ABHD17B: variants seen among roughly 807,000 people sequenced by gnomAD.
The protein encoded by ABHD17B is alpha/beta hydrolase domain-containing protein 17B.
In ABHD17B, 9 loss-of-function variants were observed where a neutral mutation model predicts 26.2. The observed-to-expected ratio is 0.34, with a 90% confidence interval of 0.21 to 0.60. The LOEUF is 0.60. Among genes scored for constraint, ABHD17B ranks in the 20% least tolerant of loss-of-function variants. The probability of loss-of-function intolerance (pLI) is 0.80; values close to 1 mark genes in which losing one functional copy is unlikely to be tolerated. For synonymous variants in ABHD17B, 127 were observed against 122.3 expected (o/e 1.04, Z -0.25); for missense variants, 224 against 352.1 (o/e 0.64, Z 2.91).
At chr9:71,863,626 GCT>G (rs1327441264), downstream of ABHD17B, among the ~76,000 whole-genome samples, 2 of 152,180 alleles carry the variant, frequency 1.3e-5, no homozygotes, top group African/African-American at 2.4e-5. Flanking sequence ...TTCAGCTTCT[GCT>G]CTGTCTCTAG....
At chr9:71,878,921 C>T (rs1177119305) in intron 1 of ABHD17B, among the ~76,000 whole-genome samples, 2 of 152,238 alleles carry the variant, frequency 1.3e-5, no homozygotes, top group African/African-American at 2.4e-5. Flanking sequence ...TTTGGGAGGC[C>T]GAGGTAGGAG....
At chr9:71,885,925 A>G (rs571382295) in intron 1 of ABHD17B, among the ~76,000 whole-genome samples, 4 of 152,338 alleles carry the variant, frequency 2.6e-5, no homozygotes, top group African/African-American at 9.6e-5. Context: ...ACTAGCATTA[A>G]AAGTCTTTAA....
chr9:71,881,980 T>C (rs1826458131), intron 1 of ABHD17B, among the ~76,000 whole-genome samples: 2 of 149,332 alleles, frequency 1.3e-5, no homozygotes, highest in South Asian at 2.1e-4. Flanking sequence ...CTCCAAAAGA[T>C]ATACAAATGG....
intron 1 of ABHD17B, among the ~76,000 whole-genome samples, chr9:71,898,469 T>TAAA (rs1302487869): frequency 1.2e-3 from 124 of 104,998 alleles, no homozygotes; most frequent in African/African-American, 4.1e-3. Context: ...CCATCTCTAC[T>TAAA]AAAAAAAAAA....
chr9:71,908,392 CAAAAA>C (rs371201006), intron 1 of ABHD17B, among the ~76,000 whole-genome samples: 1 of 39,802 alleles, frequency 2.5e-5, no homozygotes, highest in Non-Finnish European at 5.4e-5. Flanking sequence ...AACTCCGTCT[CAAAAA>C]AAAAAAAAAA....
intron 2 of ABHD17B, 141 bp downstream of exon 2, chr9:71,874,473 T>C (rs935637148): frequency 1.0e-5 from 6 of 595,318 alleles, no homozygotes; most frequent in Non-Finnish European, 8.0e-6. Flanking sequence ...GTCTAAAATA[T>C]TTATTCACAG....
intron 2 of ABHD17B, 109 bp downstream of exon 2, chr9:71,874,505 C>T: frequency 1.3e-6 from 1 of 773,004 alleles, no homozygotes; most frequent in Non-Finnish European, 2.0e-6. Context: ...TAAATATAAC[C>T]TCTATATAGC....
chr9:71,906,385 T>C (rs1402202742), intron 1 of ABHD17B, among the ~76,000 whole-genome samples: 1 of 152,246 alleles, frequency 6.6e-6, no homozygotes. Context: ...CTAACATACC[T>C]GTTTTAATCT....
chr9:71,907,242 A>G (rs1338583082), intron 1 of ABHD17B, among the ~76,000 whole-genome samples: 1 of 152,230 alleles, frequency 6.6e-6, no homozygotes, highest in Non-Finnish European at 1.5e-5. Flanking sequence ...AAAAGTAAAT[A>G]AACTAGAGCT....
intron 1 of ABHD17B, among the ~76,000 whole-genome samples, chr9:71,889,401 C>A (rs1199123076): frequency 6.6e-6 from 1 of 152,002 alleles, no homozygotes; most frequent in African/African-American, 2.4e-5. Context: ...GGTTAAAAGT[C>A]CACTTCAAAA....
At chr9:71,883,534 A>C (rs528126498) in intron 1 of ABHD17B, among the ~76,000 whole-genome samples, 1 of 152,364 alleles carries the variant, frequency 6.6e-6, no homozygotes, top group South Asian at 2.1e-4. Flanking sequence ...TACAGAAAGC[A>C]AATTCCAGGC....
chr9:71,882,420 A>G lies in ABHD17B; in HGVS notation c.-3-7337T>C, dbSNP rs376059180. Reference sequence around the variant, plus strand: ...ACGCCTGTAATCCCAGTACTTTGGGAGGCCAAGGCGGGAGAATCCCCTGAG... The same window carrying G: ...ACGCCTGTAATCCCAGTACTTTGGGGGGCCAAGGCGGGAGAATCCCCTGAG... On this transcript the variant is annotated intron_variant, in intron 1 of 3. Coordinates refer to ENST00000333421, the MANE Select transcript of ABHD17B (RefSeq NM_001025780.3). Among the ~76,000 whole-genome samples the G allele has an allele frequency of 2.4e-4, 36 of 152,338 alleles. 1 individual carries two copies. The East Asian group carries it at 4.0e-3, about 17-fold the overall frequency.
intron 1 of ABHD17B, among the ~76,000 whole-genome samples, chr9:71,887,969 G>T (rs140398353): frequency 6.6e-6 from 1 of 152,298 alleles, no homozygotes; most frequent in African/African-American, 2.4e-5. Flanking sequence ...ACGGTTTGAT[G>T]AATCAAAAGG....
At chr9:71,907,806 A>T (rs1589235578) in intron 1 of ABHD17B, among the ~76,000 whole-genome samples, 1 of 152,086 alleles carries the variant, frequency 6.6e-6, no homozygotes, top group African/African-American at 2.4e-5. Flanking sequence ...TGAGCCACCG[A>T]GCCTGGCCGG....
At chr9:71,882,011 T>A (rs1826459419) in intron 1 of ABHD17B, among the ~76,000 whole-genome samples, 1 of 151,144 alleles carries the variant, frequency 6.6e-6, no homozygotes, top group East Asian at 1.9e-4. Flanking sequence ...TGTGAAAAGA[T>A]GCTTAACACC....
chr9:71,867,082 C>A lies in ABHD17B; in HGVS notation c.648-76G>T. 2.0e-6 allele frequency: 3 copies of A among 1,471,612 alleles called. No homozygotes were observed. The East Asian group carries it at 7.1e-5, about 35-fold the overall frequency. 91.2% of individuals were successfully genotyped at this position (1,471,612 alleles called of 1,614,324 possible). On this transcript the variant is annotated intron_variant, in intron 3 of 3. Coordinates refer to ENST00000333421, the MANE Select transcript of ABHD17B (RefSeq NM_001025780.3). Reference sequence around the variant, plus strand: ...GAACATATTCTTGTGCTATATCAGACAGATAATTCAAATATGAGAATTGTA... The same window carrying A: ...GAACATATTCTTGTGCTATATCAGAAAGATAATTCAAATATGAGAATTGTA...
At chr9:71,880,130 T>C (rs1372316584) in intron 1 of ABHD17B, among the ~76,000 whole-genome samples, 1 of 152,052 alleles carries the variant, frequency 6.6e-6, no homozygotes, top group African/African-American at 2.4e-5. Context: ...AAGGACAAAA[T>C]TGGCACAAAG....
At chr9:71,875,401 T>G (rs1364952778) in intron 1 of ABHD17B, among the ~76,000 whole-genome samples, 1 of 152,104 alleles carries the variant, frequency 6.6e-6, no homozygotes, top group African/African-American at 2.4e-5. Context: ...AATTTTGTAT[T>G]TTTAGTAGAG....
chr9:71,899,719 G>C (rs1827077599), intron 1 of ABHD17B, among the ~76,000 whole-genome samples: 1 of 152,096 alleles, frequency 6.6e-6, no homozygotes, highest in Non-Finnish European at 1.5e-5. Flanking sequence ...AATGCACTAT[G>C]AGACATAGAG....
Sources: allele counts gnomAD v4.1 joint callset (sites outside exome capture counted in the v4.1 genomes callset), GRCh38; gene constraint gnomAD v4.1.1; transcripts MANE v1.5; gene names NCBI Gene and HGNC (gene_info 2026-07-23, HGNC 2026-07-21).